LRRTM4: variants seen among roughly 807,000 people sequenced by gnomAD.
LRRTM4 encodes the protein leucine-rich repeat transmembrane neuronal protein 4.
Under a neutral mutation model 47.6 loss-of-function variants are expected in LRRTM4, and 25 were observed. That is an observed-to-expected ratio of 0.53 (90% CI 0.38 to 0.73). The LOEUF is 0.73. Among genes scored for constraint, LRRTM4 ranks in the 30% least tolerant of loss-of-function variants. The probability of loss-of-function intolerance (pLI) is 0.00; values close to 1 mark genes in which losing one functional copy is unlikely to be tolerated. For synonymous variants in LRRTM4, 311 were observed against 269.5 expected (o/e 1.15, Z -1.51); for missense variants, 638 against 713.4 (o/e 0.89, Z 1.20).
chr2:77,304,812 G>T (rs942530465), intron 3 of LRRTM4, among the ~76,000 whole-genome samples: 2 of 151,996 alleles, frequency 1.3e-5, no homozygotes, highest in African/African-American at 2.4e-5. Context: ...GTAAATTTAG[G>T]CTTCAAGTAA....
intron 3 of LRRTM4, among the ~76,000 whole-genome samples, chr2:77,239,859 GAA>G (rs1675208698): frequency 2.0e-5 from 3 of 151,694 alleles, no homozygotes; most frequent in Admixed American, 2.0e-4. Flanking sequence ...TAAGAAAATA[GAA>G]AATCAGTATA....
At position 76,748,638 on chromosome 2, in the gene LRRTM4, A is replaced by G; in HGVS notation, c.*57T>C. On this transcript the variant is annotated 3_prime_UTR_variant, in exon 4 of 4. Coordinates refer to ENST00000409884, the MANE Select transcript of LRRTM4 (RefSeq NM_001134745.3). ...GATTGTGGACACCCATTCTCCTTTA[A>G]GATGAAGGCCCTCCCTCCCCCCCAT... 7.2e-7 allele frequency: 1 copy of G among 1,383,036 alleles called. No individual in the cohort carries two copies. The highest frequency in any genetic ancestry group is 1.0e-6 in the Non-Finnish European group (1 of 987,314). The allele number at this position is 1,383,036 out of a possible 1,614,324, so 85.7% of individuals were successfully genotyped here.
chr2:76,813,405 T>C (rs749670154), intron 3 of LRRTM4, among the ~76,000 whole-genome samples: 7 of 152,160 alleles, frequency 4.6e-5, no homozygotes, highest in Non-Finnish European at 8.8e-5. Flanking sequence ...CTTTGTCTAA[T>C]GTCAGAGAAA....
At chr2:77,329,728 G>T (rs1573262296) in intron 3 of LRRTM4, among the ~76,000 whole-genome samples, 1 of 152,232 alleles carries the variant, frequency 6.6e-6, no homozygotes, top group East Asian at 1.9e-4. Flanking sequence ...GGGACTTCTG[G>T]GAGGGGAGTG....
At chr2:77,290,284 C>T (rs1244453347) in intron 3 of LRRTM4, among the ~76,000 whole-genome samples, 1 of 151,864 alleles carries the variant, frequency 6.6e-6, no homozygotes, top group African/African-American at 2.4e-5. Flanking sequence ...GTCTCATTGC[C>T]TTCAAAGTGG....
chr2:77,123,539 T>G lies in LRRTM4; in HGVS notation c.1552-374623A>C, dbSNP rs117738061. 1.3e-3 allele frequency among the ~76,000 whole-genome samples: 198 copies of G among 152,200 alleles called. 5 individuals are homozygous for G. The East Asian group carries it at 0.036, about 28-fold the overall frequency. On this transcript the variant is annotated intron_variant, in intron 3 of 3. Coordinates refer to ENST00000409884, the MANE Select transcript of LRRTM4 (RefSeq NM_001134745.3). Reference sequence around the variant, plus strand: ...AAGAACCTAAAATAGCAAAGATTCATAAAACCAATATATAATCTTGGCCTT... The same window carrying G: ...AAGAACCTAAAATAGCAAAGATTCAGAAAACCAATATATAATCTTGGCCTT...
At chr2:76,772,778 G>A (rs568246426) in intron 3 of LRRTM4, 22 of 151,324 alleles carry the variant, frequency 1.5e-4, no homozygotes, top group African/African-American at 2.2e-4. Flanking sequence ...CTTTTATTAC[G>A]GTCTGTTGTT....
intron 3 of LRRTM4, among the ~76,000 whole-genome samples, chr2:76,755,015 T>C (rs1419540251): frequency 6.6e-6 from 1 of 152,190 alleles, no homozygotes; most frequent in Non-Finnish European, 1.5e-5. Context: ...AAATATATGT[T>C]TTCTGTTGTT....
chr2:77,509,926 T>C (rs1464640632), intron 3 of LRRTM4, among the ~76,000 whole-genome samples: 2 of 152,202 alleles, frequency 1.3e-5, no homozygotes, highest in Non-Finnish European at 2.9e-5. Context: ...GTCCATGTTG[T>C]GGTTTGACCA....
chr2:77,438,530 C>T (rs1675703021), intron 3 of LRRTM4, among the ~76,000 whole-genome samples: 1 of 151,218 alleles, frequency 6.6e-6, no homozygotes, highest in Non-Finnish European at 1.5e-5. Context: ...CCTCAGCCTC[C>T]CGAATAGCTG....
chr2:77,174,649 GTTTGT>G (rs1476564551), intron 3 of LRRTM4, among the ~76,000 whole-genome samples: 37 of 151,194 alleles, frequency 2.4e-4, no homozygotes, highest in Admixed American at 1.8e-3. Flanking sequence ...TGTTTTTTTT[GTTTGT>G]TTTTTTTATA....
At chr2:76,787,141 G>A (rs1026164418) in intron 3 of LRRTM4, among the ~76,000 whole-genome samples, 1 of 151,994 alleles carries the variant, frequency 6.6e-6, no homozygotes, top group East Asian at 1.9e-4. Context: ...TGTCATAAAG[G>A]AAAGAGTAAT....
intron 3 of LRRTM4, among the ~76,000 whole-genome samples, chr2:76,779,780 T>A (rs1471531779): frequency 3.9e-5 from 6 of 152,172 alleles, no homozygotes; most frequent in Admixed American, 6.5e-5. Context: ...TAATATTGTT[T>A]TGTGTGAATT....
At chr2:77,468,631 C>A (rs1677071767) in intron 3 of LRRTM4, among the ~76,000 whole-genome samples, 1 of 152,156 alleles carries the variant, frequency 6.6e-6, no homozygotes, top group South Asian at 2.1e-4. Context: ...GGCCTTGGTG[C>A]AGAGTGCTCT....
chr2:76,908,150 C>T (rs1488647858), intron 3 of LRRTM4, among the ~76,000 whole-genome samples: 4 of 149,670 alleles, frequency 2.7e-5, no homozygotes, highest in African/African-American at 9.8e-5. Context: ...CCACCATGAT[C>T]AAGTGGGCTT....
chr2:77,498,760 T>G (rs1678458809), intron 3 of LRRTM4, among the ~76,000 whole-genome samples: 1 of 151,836 alleles, frequency 6.6e-6, no homozygotes, highest in African/African-American at 2.4e-5. Flanking sequence ...ATTTTTCCCA[T>G]CCTGTAACAG....
intron 3 of LRRTM4, among the ~76,000 whole-genome samples, chr2:77,424,517 A>G (rs1244327340): frequency 6.6e-6 from 1 of 152,164 alleles, no homozygotes; most frequent in Non-Finnish European, 1.5e-5. Flanking sequence ...ATTCTGCTAT[A>G]GAATAGTTTG....
chr2:76,925,312 TC>T (rs1259019187), intron 3 of LRRTM4, among the ~76,000 whole-genome samples: 1 of 152,086 alleles, frequency 6.6e-6, no homozygotes, highest in East Asian at 1.9e-4. Context: ...ACAGCCTCAA[TC>T]CTTCAACCTT....
chr2:77,016,253 G>C (rs1471885355), intron 3 of LRRTM4, among the ~76,000 whole-genome samples: 2 of 151,772 alleles, frequency 1.3e-5, no homozygotes, highest in Non-Finnish European at 2.9e-5. Context: ...GGGCGTGGTG[G>C]CAGGCGCCTG....
Sources: gnomAD v4.1 joint callset for allele counts (sites outside exome capture counted in the v4.1 genomes callset) on GRCh38, gnomAD v4.1.1 for gene constraint, MANE v1.5 for transcripts, NCBI Gene and HGNC (gene_info 2026-07-23, HGNC 2026-07-21) for gene names.